Variants in MMS22L observed in about 807,000 individuals in gnomAD.
The protein encoded by MMS22L is protein MMS22-like.
In MMS22L, 74 loss-of-function variants were observed where a neutral mutation model predicts 159.1. That is an observed-to-expected ratio of 0.47 (90% CI 0.39 to 0.56). MMS22L has a LOEUF of 0.56. Ranked by LOEUF, MMS22L falls within the 20% of genes least tolerant of loss-of-function variation. MMS22L has a pLI of 0.00. For missense variants in MMS22L, 1,351 were observed against 1,422.1 expected (o/e 0.95, Z 0.80); for synonymous variants, 517 against 506.9 (o/e 1.02, Z -0.27).
intron 1 of MMS22L, among the ~76,000 whole-genome samples, chr6:97,282,786 A>G (rs994963071): frequency 1.3e-5 from 2 of 152,208 alleles, no homozygotes; most frequent in Admixed American, 6.5e-5. Flanking sequence ...AGCCCAGGAC[A>G]AGGTGAAAAG....
At chr6:97,255,789 A>G (rs1813734179) in intron 9 of MMS22L, among the ~76,000 whole-genome samples, 1 of 152,000 alleles carries the variant, frequency 6.6e-6, no homozygotes, top group South Asian at 2.1e-4. Context: ...AAATCTGTCC[A>G]TTTTAAATTG....
chr6:97,254,898 A>G (rs1301052970), intron 9 of MMS22L, among the ~76,000 whole-genome samples, 165 bp from the exon 10 acceptor site: 1 of 152,164 alleles, frequency 6.6e-6, no homozygotes, highest in Non-Finnish European at 1.5e-5. Flanking sequence ...CATAAATAGT[A>G]CTTTAGAAGT....
intron 24 of MMS22L, among the ~76,000 whole-genome samples, chr6:97,147,615 AG>A (rs1800979833): frequency 2.0e-5 from 3 of 152,198 alleles, no homozygotes; most frequent in Non-Finnish European, 4.4e-5. Flanking sequence ...TGCTCAGAGA[AG>A]CCAGATGTGA....
chr6:97,226,536 G>A (rs1810267643), intron 14 of MMS22L, among the ~76,000 whole-genome samples: 2 of 152,124 alleles, frequency 1.3e-5, no homozygotes, highest in South Asian at 4.1e-4. Flanking sequence ...GGAGGTTGCA[G>A]TGAGCCGAGA....
intron 10 of MMS22L, among the ~76,000 whole-genome samples, chr6:97,252,347 A>T (rs1263852475): frequency 2.6e-5 from 4 of 151,718 alleles, no homozygotes; most frequent in Non-Finnish European, 5.9e-5. Flanking sequence ...ACAATCTGGC[A>T]GGGTGCGGTG....
intron 11 of MMS22L, among the ~76,000 whole-genome samples, chr6:97,237,165 G>A (rs1811509541): frequency 6.6e-6 from 1 of 152,126 alleles, no homozygotes; most frequent in Non-Finnish European, 1.5e-5. Context: ...AACCATGGGA[G>A]GAGGTAGATA....
intron 18 of MMS22L, among the ~76,000 whole-genome samples, chr6:97,177,445 CATA>C (rs1257315223): frequency 8.5e-5 from 13 of 152,056 alleles, no homozygotes; most frequent in Non-Finnish European, 1.8e-4. Flanking sequence ...GAAGTTCTAG[CATA>C]ATATTATCTA....
intron 11 of MMS22L, among the ~76,000 whole-genome samples, chr6:97,236,846 A>C (rs1379969467): frequency 6.6e-6 from 1 of 151,776 alleles, no homozygotes; most frequent in African/African-American, 2.4e-5. Flanking sequence ...AGCTACTCAG[A>C]AGGCTGAGGT....
chr6:97,162,946 C>T (rs1802595583), intron 21 of MMS22L, among the ~76,000 whole-genome samples: 1 of 151,956 alleles, frequency 6.6e-6, no homozygotes, highest in South Asian at 2.1e-4. Flanking sequence ...ATAAACTAGA[C>T]ATCCATATAT....
intron 16 of MMS22L, 106 bp downstream of exon 16, chr6:97,181,798 A>G: frequency 8.9e-7 from 1 of 1,125,874 alleles, no homozygotes; most frequent in East Asian, 2.6e-5. Flanking sequence ...AAGTGAGAGT[A>G]TATGTAGTAG....
chr6:97,173,271 A>G lies in MMS22L; in HGVS notation c.2680-49T>C, dbSNP rs749569162. On this transcript the variant is annotated intron_variant, in intron 18 of 24. Coordinates refer to ENST00000683635, the MANE Select transcript of MMS22L (RefSeq NM_001350599.2). ...TTAACTTCCCAAAGTTTATACCATAAAGATTTGGAACATAAAGATAATTTT... is the reference window on the plus strand; with the variant it reads ...TTAACTTCCCAAAGTTTATACCATAGAGATTTGGAACATAAAGATAATTTT... The G allele has an allele frequency of 2.6e-6, 4 of 1,554,158 alleles. No individual in the cohort carries two copies. The African/African-American group carries it at 4.1e-5, about 16-fold the overall frequency.
intron 3 of MMS22L, among the ~76,000 whole-genome samples, chr6:97,279,242 G>T (rs1011724199): frequency 2.6e-5 from 4 of 152,160 alleles, no homozygotes; most frequent in African/African-American, 7.2e-5. Flanking sequence ...CCAGCACTTT[G>T]GGAGGCCGAG....
At chr6:97,197,729 G>A (rs886481241) in intron 14 of MMS22L, among the ~76,000 whole-genome samples, 9 of 152,098 alleles carry the variant, frequency 5.9e-5, no homozygotes, top group African/African-American at 1.9e-4. Flanking sequence ...AGGAATTGGT[G>A]ACTAAAAAAG....
chr6:97,267,969 A>G lies in MMS22L; in HGVS notation c.731T>C (p.Leu244Pro), dbSNP rs1815314406. Residue 244 changes from leucine (L) to proline (P), a missense_variant, in exon 8 of 25, where the codon CTG becomes CCG. By Grantham distance (98) the Leu-to-Pro change is moderately conservative. Coordinates refer to ENST00000683635, the MANE Select transcript of MMS22L (RefSeq NM_001350599.2). ...QVVYGHQFMN[L>P]ASDNLTNISL... is the part of the protein sequence containing the mutation. ...GATGTTGGTTAAATTGTCACTTGCC[A>G]GATTCATAAACTGATGACCATATAC... is the stretch of plus-strand genomic sequence containing the variant. 1 of 1,603,198 alleles carries G rather than the reference A, an allele frequency of 6.2e-7. No individual in the cohort carries two copies. Among genetic ancestry groups the G allele is most frequent in the Non-Finnish European group, 8.5e-7 (1 of 1,175,516 alleles).
At chr6:97,165,146 A>C in intron 21 of MMS22L, 100 bp downstream of exon 21, 1 of 939,760 alleles carries the variant, frequency 1.1e-6, no homozygotes. Flanking sequence ...CTGAACTACT[A>C]GTATCCTAAG....
intron 12 of MMS22L, 104 bp from the exon 13 acceptor site, chr6:97,231,756 A>G: frequency 1.3e-6 from 1 of 757,056 alleles, no homozygotes; most frequent in Non-Finnish European, 2.1e-6. Context: ...AGTCTGACTC[A>G]TCTTAATCAC....
chr6:97,193,756 T>TTTTA (rs1031906094), intron 14 of MMS22L, among the ~76,000 whole-genome samples: 6 of 151,970 alleles, frequency 3.9e-5, no homozygotes, highest in Admixed American at 1.3e-4. Context: ...CATTTGTTTA[T>TTTTA]TTTATTTATT....
intron 15 of MMS22L, among the ~76,000 whole-genome samples, chr6:97,184,119 T>C (rs1463188483): frequency 6.6e-6 from 1 of 152,176 alleles, no homozygotes; most frequent in African/African-American, 2.4e-5. Flanking sequence ...TTAAATCCAA[T>C]GACTAATTCT....
chr6:97,172,157 T>A (rs771243631), intron 19 of MMS22L, among the ~76,000 whole-genome samples: 1 of 152,188 alleles, frequency 6.6e-6, no homozygotes, highest in Admixed American at 6.5e-5. Context: ...TGCCAATATA[T>A]TTATTAATGT....
Sources: gnomAD v4.1 joint callset for allele counts (sites outside exome capture counted in the v4.1 genomes callset) on GRCh38, gnomAD v4.1.1 for gene constraint, MANE v1.5 for transcripts, NCBI Gene and HGNC (gene_info 2026-07-23, HGNC 2026-07-21) for gene names.